DACH1: variants seen among roughly 807,000 people sequenced by gnomAD.
DACH1 encodes dachshund homolog 1.
DACH1 carries 12 observed loss-of-function variants against 54.2 expected under a neutral mutation model. The ratio of observed to expected loss-of-function variants is 0.22; its 90% CI spans 0.14 to 0.36. DACH1 has a LOEUF of 0.36. DACH1 is among the 10% of genes least tolerant of loss of function. The probability of loss-of-function intolerance (pLI) is 1.00; values close to 1 mark genes in which losing one functional copy is unlikely to be tolerated. For missense variants in DACH1, 805 were observed against 929.8 expected, an observed-to-expected ratio of 0.87 and a Z score of 1.75; for synonymous variants, 386 against 366.2, an observed-to-expected ratio of 1.05 and a Z score of -0.62.
intron 1 of DACH1, among the ~76,000 whole-genome samples, chr13:71,744,368 G>A (rs145533810): frequency 2.8e-3 from 428 of 152,284 alleles, no homozygotes; most frequent in Admixed American, 4.5e-3. Flanking sequence ...GTTCAAGAAA[G>A]ACATACACAA....
At chr13:71,502,270 T>A (rs920899189) in intron 6 of DACH1, among the ~76,000 whole-genome samples, 1 of 152,130 alleles carries the variant, frequency 6.6e-6, no homozygotes, top group African/African-American at 2.4e-5. Flanking sequence ...TATGATTATT[T>A]GTGATTATCT....
chr13:71,452,051 TGG>T (rs1875109242), intron 10 of DACH1, among the ~76,000 whole-genome samples: 1 of 152,192 alleles, frequency 6.6e-6, no homozygotes, highest in South Asian at 2.1e-4. Context: ...TGATGAATCT[TGG>T]TAAAGAATAC....
In DACH1 at chr13:71,475,177, T is replaced by C. The variant is rs755885224; in HGVS notation, c.2047A>G (p.Ser683Gly). Residue 683 changes from serine to glycine, a missense_variant, in exon 10 of 11, where the codon AGT (serine) becomes GGT (glycine). This residue lies in a region of DACH1 where 472 missense variants were observed against 545.3 expected (regional missense o/e 0.87). Coordinates refer to ENST00000613252, the MANE Select transcript of DACH1 (RefSeq NM_080759.6). ...CTTTCAGCATCTGTTCTGCCGCCAC[T>C]GCGGTCAGCCTCTATCTCTGGGGTC... Reference protein sequence around the residue: ...SLTPEIEADRSGGRTDAERTI... With the variant: ...SLTPEIEADRGGGRTDAERTI... The C allele has an allele frequency of 3.7e-6, 6 of 1,614,028 alleles. No homozygotes were observed. The highest frequency in any genetic ancestry group is 4.2e-6 in the Non-Finnish European group (5 of 1,179,914).
intron 1 of DACH1, among the ~76,000 whole-genome samples, chr13:71,682,334 T>C (rs1880950677): frequency 6.6e-6 from 1 of 152,320 alleles, no homozygotes; most frequent in Admixed American, 6.5e-5. Context: ...TTTAAGGTTC[T>C]TCAGGAAATT....
chr13:71,728,455 A>G (rs986468993), intron 1 of DACH1, among the ~76,000 whole-genome samples: 3 of 152,060 alleles, frequency 2.0e-5, no homozygotes, highest in Non-Finnish European at 2.9e-5. Flanking sequence ...CTATACTAGC[A>G]TAATCATAAA....
intron 1 of DACH1, among the ~76,000 whole-genome samples, chr13:71,842,824 G>T (rs1359564104): frequency 6.6e-6 from 1 of 152,040 alleles, no homozygotes; most frequent in Non-Finnish European, 1.5e-5. Flanking sequence ...GTTAACAATA[G>T]GCTGAAAATG....
At chr13:71,605,561 T>C (rs1874814295) in intron 3 of DACH1, among the ~76,000 whole-genome samples, 1 of 151,944 alleles carries the variant, frequency 6.6e-6, no homozygotes, top group Admixed American at 6.6e-5. Context: ...TTATAATTGA[T>C]TACTTTTCAT....
chr13:71,783,307 A>T (rs1175211371), intron 1 of DACH1, among the ~76,000 whole-genome samples: 1 of 152,184 alleles, frequency 6.6e-6, no homozygotes, highest in African/African-American at 2.4e-5. Flanking sequence ...ATCAAGTTCC[A>T]TTCTCATTCT....
intron 3 of DACH1, chr13:71,573,358 A>G: frequency 1.4e-6 from 1 of 702,542 alleles, no homozygotes; most frequent in Admixed American, 2.1e-5. Flanking sequence ...CTATTTTGCC[A>G]ACTGATAAAT....
chr13:71,536,284 G>T (rs1882792928), intron 6 of DACH1, among the ~76,000 whole-genome samples: 2 of 152,012 alleles, frequency 1.3e-5, no homozygotes, highest in Admixed American at 1.3e-4. Flanking sequence ...GTTTTATCAG[G>T]AGAAATCTTT....
At chr13:71,671,163 A>G (rs1282669165) in intron 2 of DACH1, among the ~76,000 whole-genome samples, 1 of 151,962 alleles carries the variant, frequency 6.6e-6, no homozygotes. Context: ...ATATTTCTTT[A>G]TATTATATTC....
chr13:71,454,575 T>C (rs1875379965), intron 10 of DACH1, among the ~76,000 whole-genome samples: 1 of 152,182 alleles, frequency 6.6e-6, no homozygotes, highest in African/African-American at 2.4e-5. Context: ...CAGGCTGCCA[T>C]GTATTGAGCT....
intron 1 of DACH1, among the ~76,000 whole-genome samples, chr13:71,791,828 A>G (rs1362462738): frequency 1.3e-5 from 2 of 152,212 alleles, no homozygotes; most frequent in Non-Finnish European, 2.9e-5. Flanking sequence ...TAAGTATATA[A>G]AGAAGCAGAT....
At chr13:71,442,347 C>T (rs953097543) in intron 10 of DACH1, among the ~76,000 whole-genome samples, 11 of 152,062 alleles carry the variant, frequency 7.2e-5, no homozygotes, top group Admixed American at 4.6e-4. Context: ...CCAGTTTCAT[C>T]CATGTTGCTG....
chr13:71,438,038 G>T lies in DACH1; in HGVS notation c.*2617C>A, dbSNP rs142413826. On this transcript the variant is annotated 3_prime_UTR_variant, in exon 11 of 11. Coordinates refer to ENST00000613252, the MANE Select transcript of DACH1 (RefSeq NM_080759.6). ...ATTAAATACAATAACAGTAAACGTG[G>T]TTCTCACATTGAAACCAGGCTCAAA... 1.6e-3 allele frequency: 249 copies of T among 152,500 alleles called. 2 individuals carry two copies. The highest frequency in any genetic ancestry group is 5.6e-3 in the African/African-American group (234 of 41,548). The allele number at this position is 152,500 out of a possible 1,614,324, so 9.4% of individuals were successfully genotyped here. A position where few individuals can be genotyped will look rare whatever the true frequency, so the allele number is the denominator to read the frequency against.
chr13:71,651,271 G>A (rs1419730793), intron 2 of DACH1, among the ~76,000 whole-genome samples: 1 of 151,782 alleles, frequency 6.6e-6, no homozygotes, highest in Non-Finnish European at 1.5e-5. Context: ...GGAGCCTGAG[G>A]TCAGTGGATT....
chr13:71,857,719 A>G lies in DACH1; in HGVS notation c.848+8203T>C, dbSNP rs183746234. Among the ~76,000 whole-genome samples the G allele has an allele frequency of 5.3e-5, 8 of 151,884 alleles. No homozygotes were observed. The East Asian group carries it at 1.5e-3, about 29-fold the overall frequency. The stretch of plus-strand genomic sequence containing the variant: ...AAGTGTTCCAGGTTATTCTTTTAAA[A>G]TCAAAAGGCACTATTTAAGTGTAAG... On this transcript the variant is annotated intron_variant, in intron 1 of 10. Transcript: ENST00000613252.
At chr13:71,657,070 C>T (rs952644366) in intron 2 of DACH1, among the ~76,000 whole-genome samples, 2 of 149,598 alleles carry the variant, frequency 1.3e-5, no homozygotes, top group Non-Finnish European at 3.0e-5. Context: ...ACATATCAAA[C>T]AACTGTCTCC....
intron 1 of DACH1, among the ~76,000 whole-genome samples, chr13:71,756,779 C>T (rs1885178720): frequency 6.6e-6 from 1 of 152,068 alleles, no homozygotes. Context: ...TTGAAATCCA[C>T]TCAATTTTCT....
Sources: allele counts gnomAD v4.1 joint callset (sites outside exome capture counted in the v4.1 genomes callset), GRCh38; gene constraint gnomAD v4.1.1; regional missense constraint gnomAD v4.1.1; transcripts MANE v1.5; gene names NCBI Gene and HGNC (gene_info 2026-07-23, HGNC 2026-07-21).